The following ANTXR2 variants were observed in gnomAD, a reference collection of about 807,000 sequenced individuals.
ANTXR2 encodes ANTXR cell adhesion molecule 2.
ANTXR2 carries 44 observed loss-of-function variants against 73.7 expected under a neutral mutation model. That is an observed-to-expected ratio of 0.60 (90% CI 0.47 to 0.77). The LOEUF (loss-of-function observed/expected upper bound fraction) is 0.77. Among genes scored for constraint, ANTXR2 ranks in the 30% least tolerant of loss-of-function variants. The pLI is 0.00. For synonymous variants in ANTXR2, 217 were observed against 205.9 expected, an observed-to-expected ratio of 1.05 and a Z score of -0.46; for missense variants, 604 against 592.5, an observed-to-expected ratio of 1.02 and a Z score of -0.20.
intron 12 of ANTXR2, among the ~76,000 whole-genome samples, chr4:79,997,213 A>G (rs1360561482): frequency 6.6e-6 from 1 of 151,948 alleles, no homozygotes; most frequent in Non-Finnish European, 1.5e-5. Context: ...ATATGTTCCA[A>G]TATTCAGAAA....
At chr4:80,020,594 C>T (rs939753649) in intron 10 of ANTXR2, among the ~76,000 whole-genome samples, 1 of 152,030 alleles carries the variant, frequency 6.6e-6, no homozygotes, top group African/African-American at 2.4e-5. Flanking sequence ...GGCAGGAGGC[C>T]CAGAAATGTT....
intron 16 of ANTXR2, chr4:79,964,906 C>G (rs1454252937): frequency 6.6e-6 from 1 of 152,270 alleles, no homozygotes; most frequent in East Asian, 1.9e-4. Context: ...CCGGGCCCGG[C>G]GTGCGGCCCG....
At chr4:80,026,222 T>C (rs1732432056) in intron 10 of ANTXR2, among the ~76,000 whole-genome samples, 1 of 152,156 alleles carries the variant, frequency 6.6e-6, no homozygotes, top group Admixed American at 6.6e-5. Context: ...GTTCTCATGA[T>C]GGTGAGTGAA....
intron 11 of ANTXR2, among the ~76,000 whole-genome samples, chr4:80,014,593 T>C (rs1331510353): frequency 2.0e-5 from 3 of 151,852 alleles, no homozygotes; most frequent in Non-Finnish European, 4.4e-5. Flanking sequence ...AATAAATAAA[T>C]AAAAACTTGT....
chr4:79,997,205 A>G (rs1341899347), intron 12 of ANTXR2, among the ~76,000 whole-genome samples: 3 of 151,940 alleles, frequency 2.0e-5, no homozygotes, highest in African/African-American at 7.2e-5. Context: ...ATGCAATCAT[A>G]TGTTCCAATA....
intron 16 of ANTXR2, among the ~76,000 whole-genome samples, chr4:79,932,911 G>C (rs1329412133): frequency 1.3e-5 from 2 of 151,722 alleles, no homozygotes; most frequent in African/African-American, 4.8e-5. Flanking sequence ...GGATTCCCTT[G>C]CATAATTATT....
chr4:79,956,164 T>C (rs1190734599), intron 16 of ANTXR2, among the ~76,000 whole-genome samples: 1 of 152,202 alleles, frequency 6.6e-6, no homozygotes, highest in African/African-American at 2.4e-5. Context: ...ATATTAAATA[T>C]TATTTATAGA....
chr4:80,056,002 C>T lies in ANTXR2; in HGVS notation c.308G>A (p.Ser103Asn). The change falls in exon 4 of 17, where the codon AGT (serine) becomes AAT (asparagine). Residue 103 changes from serine (S) to asparagine (N), a missense_variant. Ser to Asn is a conservative substitution (Grantham distance 46, BLOSUM62 1). Transcript: ENST00000403729. ...ACGTTTTAAATCCTCCAAGCCTTTA[C>T]TGATTTTGCCTCTGAAAATAATATT... ...LPLTGDRGKI[S>N]KGLEDLKRVS... The T allele has an allele frequency of 6.4e-7, 1 of 1,555,112 alleles. No homozygotes were observed. The highest frequency in any genetic ancestry group is 8.7e-7 in the Non-Finnish European group (1 of 1,151,222).
At chr4:80,022,317 T>C (rs1272449508) in intron 10 of ANTXR2, among the ~76,000 whole-genome samples, 1 of 152,226 alleles carries the variant, frequency 6.6e-6, no homozygotes, top group East Asian at 1.9e-4. Flanking sequence ...ATATATGTAT[T>C]CTGTGAAAAT....
At chr4:80,043,037 T>C (rs1464365908) in intron 7 of ANTXR2, among the ~76,000 whole-genome samples, 2 of 151,886 alleles carry the variant, frequency 1.3e-5, no homozygotes, top group Non-Finnish European at 2.9e-5. Context: ...CTGCTAAAAA[T>C]ATACAATAGA....
At chr4:80,011,365 C>T (rs1447404180) in intron 11 of ANTXR2, among the ~76,000 whole-genome samples, 1 of 151,928 alleles carries the variant, frequency 6.6e-6, no homozygotes, top group African/African-American at 2.4e-5. Flanking sequence ...ATCTATCTAT[C>T]TGATGACTAT....
At chr4:80,038,850 T>TA (rs964209714) in intron 7 of ANTXR2, among the ~76,000 whole-genome samples, 39 of 151,446 alleles carry the variant, frequency 2.6e-4, no homozygotes, top group Middle Eastern at 3.4e-3. Flanking sequence ...GTTTTATTTA[T>TA]AAAAAAAAAC....
chr4:79,912,524 A>G (rs1727186233), intron 16 of ANTXR2, among the ~76,000 whole-genome samples: 1 of 152,102 alleles, frequency 6.6e-6, no homozygotes, highest in African/African-American at 2.4e-5. Flanking sequence ...TATTGAAAAC[A>G]TTACATAGTT....
Position 80,071,736 on chromosome 4 carries a change from G to A in ANTXR2, c.153-82C>T. ...ATTTTGAAATGGTTCCTTCTTCAAT[G>A]CCACGAACATAGGGGCACCTGGCCT... On this transcript the variant is annotated intron_variant, in intron 1 of 16. Transcript: ENST00000403729. The A allele has an allele frequency of 2.6e-6, 3 of 1,172,570 alleles. No individual in the cohort carries two copies. In the South Asian group the frequency reaches 3.8e-5, roughly 15 times the overall value. 72.6% of individuals were successfully genotyped at this position (1,172,570 alleles called of 1,614,324 possible).
intron 5 of ANTXR2, 44 bp from the exon 6 acceptor site, chr4:80,055,262 G>A: frequency 6.5e-7 from 1 of 1,545,320 alleles, no homozygotes; most frequent in Non-Finnish European, 8.8e-7. Flanking sequence ...AGAGAGGGGA[G>A]AGGGAGAAAG....
intron 3 of ANTXR2, among the ~76,000 whole-genome samples, chr4:80,064,617 G>T (rs1455985455): frequency 6.6e-6 from 1 of 152,172 alleles, no homozygotes. Context: ...GGGAGGAGAG[G>T]TGGGGTTCCT....
chr4:80,024,712 G>A (rs938566446), intron 10 of ANTXR2: 22 of 453,386 alleles, frequency 4.9e-5, no homozygotes, highest in African/African-American at 4.0e-4. Flanking sequence ...CAGTGAGTCA[G>A]ATCATGCCAC....
At chr4:80,026,364 T>A (rs1021368603) in intron 10 of ANTXR2, among the ~76,000 whole-genome samples, 3 of 152,136 alleles carry the variant, frequency 2.0e-5, no homozygotes, top group African/African-American at 7.2e-5. Flanking sequence ...GCTTCCCCAG[T>A]CATGTAAAAC....
At chr4:79,930,034 G>C (rs571997950) in intron 16 of ANTXR2, among the ~76,000 whole-genome samples, 1 of 152,142 alleles carries the variant, frequency 6.6e-6, no homozygotes, top group Non-Finnish European at 1.5e-5. Context: ...AATCTTCCTA[G>C]CAAGTAAGTG....
Sources: gnomAD v4.1 joint callset for allele counts (sites outside exome capture counted in the v4.1 genomes callset) on GRCh38, gnomAD v4.1.1 for gene constraint, MANE v1.5 for transcripts, NCBI Gene and HGNC (gene_info 2026-07-23, HGNC 2026-07-21) for gene names.